IGF2BP1: variants seen among roughly 807,000 people sequenced by gnomAD.
The protein encoded by IGF2BP1 is insulin-like growth factor 2 mRNA-binding protein 1.
IGF2BP1 carries 11 observed loss-of-function variants against 74.9 expected under a neutral mutation model. The ratio of observed to expected loss-of-function variants is 0.15; its 90% CI spans 0.09 to 0.24. The LOEUF (loss-of-function observed/expected upper bound fraction) is 0.24. IGF2BP1 is among the 10% of genes least tolerant of loss of function. The probability of loss-of-function intolerance (pLI) is 1.00; values close to 1 mark genes in which losing one functional copy is unlikely to be tolerated. For synonymous variants in IGF2BP1, 287 were observed against 281.8 expected, an observed-to-expected ratio of 1.02 and a Z score of -0.18; for missense variants, 440 against 757.4, an observed-to-expected ratio of 0.58 and a Z score of 4.92.
At chr17:49,043,339 C>T (rs2042073399) in intron 9 of IGF2BP1, 89 bp from the exon 10 acceptor site, 2 of 1,500,692 alleles carry the variant, frequency 1.3e-6, no homozygotes, top group Non-Finnish European at 1.8e-6. Context: ...CCACTTGCCT[C>T]TGGGGCTACT....
At chr17:49,026,741 C>G (rs903637262) in intron 4 of IGF2BP1, among the ~76,000 whole-genome samples, 2 of 145,366 alleles carry the variant, frequency 1.4e-5, no homozygotes, top group African/African-American at 2.5e-5. Flanking sequence ...GCCTTCCTGC[C>G]TGCCTTCCTG....
intron 3 of IGF2BP1, 119 bp from the exon 4 acceptor site, chr17:49,026,347 C>A: frequency 1.2e-6 from 1 of 849,492 alleles, no homozygotes; most frequent in South Asian, 1.5e-5. Context: ...TAATAATGCT[C>A]AAACACTCCT....
Position 49,031,907 on chromosome 17 carries a change from C to T in IGF2BP1, c.338-3C>T. ...CTGAGGTTATCCTCTCTTTTCTCTGCAGTGAACACCGAGAGTGAGACGGCA... is the reference window on the plus strand; with the variant it reads ...CTGAGGTTATCCTCTCTTTTCTCTGTAGTGAACACCGAGAGTGAGACGGCA... On this transcript the variant is annotated splice_polypyrimidine_tract_variant and splice_region_variant and intron_variant, in intron 4 of 14. Coordinates refer to ENST00000290341, the MANE Select transcript of IGF2BP1 (RefSeq NM_006546.4). The T allele has an allele frequency of 3.1e-6, 5 of 1,613,474 alleles. No homozygotes were observed. Among genetic ancestry groups the T allele is most frequent in the Non-Finnish European group, 4.2e-6 (5 of 1,179,620 alleles).
chr17:49,032,384 C>T (rs962602778), intron 5 of IGF2BP1, among the ~76,000 whole-genome samples: 3 of 152,014 alleles, frequency 2.0e-5, no homozygotes, highest in Non-Finnish European at 2.9e-5. Context: ...AAAAAAGATT[C>T]CTCAACCTTG....
In IGF2BP1 at chr17:49,039,136, A is replaced by G. The variant is rs149862717; in HGVS notation, c.683+687A>G. Among the ~76,000 whole-genome samples, 844 of 152,056 alleles carry G rather than the reference A, an allele frequency of 5.6e-3. 5 individuals carry two copies. Among genetic ancestry groups the G allele is most frequent in the Non-Finnish European group, 9.4e-3 (638 of 67,970 alleles). ...CGTGATCCGGCCGCCTCAGCCTCCC[A>G]AAGTGCTGGGATTAAAGGCGTGAGC... is the stretch of plus-strand genomic sequence containing the variant. On this transcript the variant is annotated intron_variant, in intron 6 of 14. Transcript: ENST00000290341.
intron 2 of IGF2BP1, among the ~76,000 whole-genome samples, chr17:49,002,185 T>C (rs1384202609): frequency 1.3e-5 from 2 of 152,106 alleles, no homozygotes; most frequent in African/African-American, 2.4e-5. Flanking sequence ...TAAGTACCTA[T>C]TAAACAAAAT....
chr17:49,010,728 A>C (rs1394199216), intron 2 of IGF2BP1, among the ~76,000 whole-genome samples: 1 of 152,096 alleles, frequency 6.6e-6, no homozygotes, highest in Non-Finnish European at 1.5e-5. Context: ...AGGGCTCCCA[A>C]AAGACAGAGG....
intron 1 of IGF2BP1, 37 bp from the exon 2 acceptor site, chr17:48,999,072 C>A (rs750831294): frequency 4.6e-6 from 6 of 1,291,606 alleles, no homozygotes; most frequent in African/African-American, 3.0e-5. Context: ...AACCCCTGTT[C>A]AAGCTCTCAT....
chr17:49,040,218 C>T, intron 7 of IGF2BP1, 127 bp downstream of exon 7: 2 of 1,078,912 alleles, frequency 1.9e-6, no homozygotes, highest in South Asian at 1.5e-5. Context: ...AAGATGTAAA[C>T]TGAGAAATAA....
chr17:49,019,094 T>G (rs1286132324), intron 2 of IGF2BP1, among the ~76,000 whole-genome samples: 1 of 151,992 alleles, frequency 6.6e-6, no homozygotes, highest in Non-Finnish European at 1.5e-5. Flanking sequence ...TAGGGAGGGG[T>G]GAGGGAGGCC....
chr17:48,998,799 C>T (rs906517591), intron 1 of IGF2BP1, among the ~76,000 whole-genome samples: 5 of 152,242 alleles, frequency 3.3e-5, no homozygotes, highest in Admixed American at 6.5e-5. Flanking sequence ...CATCTGGGAG[C>T]TGTGTAGGCA....
chr17:48,996,706 C>G (rs1025908591), upstream of IGF2BP1, among the ~76,000 whole-genome samples: 1 of 152,192 alleles, frequency 6.6e-6, no homozygotes, highest in Non-Finnish European at 1.5e-5. Flanking sequence ...TGCGAACCAC[C>G]CTTTCTCCCG....
intron 5 of IGF2BP1, among the ~76,000 whole-genome samples, chr17:49,033,137 G>A (rs1424359867): frequency 1.3e-5 from 2 of 151,814 alleles, no homozygotes; most frequent in African/African-American, 4.8e-5. Context: ...ACATTTCTGG[G>A]CTTTTTATTT....
At chr17:49,026,105 C>G (rs2041850455) in intron 3 of IGF2BP1, among the ~76,000 whole-genome samples, 1 of 152,052 alleles carries the variant, frequency 6.6e-6, no homozygotes, top group South Asian at 2.1e-4. Context: ...GCCACCGTGC[C>G]TGGCCTCATG....
chr17:49,026,510 T>C lies in IGF2BP1; in HGVS notation c.330T>C (p.Cys110=), dbSNP rs759293636. ...LLAQYGTVEN[C]EQVNTESETA... ...CTCAGTATGGTACAGTAGAGAACTG[T>C]GAGCAAGGTAAGAGTGGGCCGGGTG... Residue 110 remains cysteine, a synonymous_variant, in exon 4 of 15, where the codon TGT becomes TGC. Transcript: ENST00000290341. The C allele has an allele frequency of 3.1e-6, 5 of 1,614,056 alleles. No individual in the cohort carries two copies. In the South Asian group the frequency reaches 4.4e-5, roughly 14 times the overall value.
At position 49,038,318 on chromosome 17, in the gene IGF2BP1, A is replaced by G; in HGVS notation, c.552A>G (p.Ala184=). Residue 184 remains alanine, a synonymous_variant, in exon 6 of 15, where the codon GCA becomes GCG. Coordinates refer to ENST00000290341, the MANE Select transcript of IGF2BP1 (RefSeq NM_006546.4). ...RGQPRQGSPV[A]AGAPAKQQQV... is the part of the protein sequence containing the mutation. Reference sequence around the variant, plus strand: ...AGCCCCGCCAGGGCTCACCTGTGGCAGCGGGGGCCCCAGCCAAGCAGCAGC... The same window carrying G: ...AGCCCCGCCAGGGCTCACCTGTGGCGGCGGGGGCCCCAGCCAAGCAGCAGC... The G allele has an allele frequency of 6.2e-7, 1 of 1,606,216 alleles. No individual in the cohort carries two copies. Among genetic ancestry groups the G allele is most frequent in the Non-Finnish European group, 8.5e-7 (1 of 1,176,624 alleles).
chr17:49,026,264 G>T, intron 3 of IGF2BP1: 1 of 503,694 alleles, frequency 2.0e-6, no homozygotes. Flanking sequence ...AGGCCCTTAA[G>T]GCAGAACTTA....
chr17:49,008,053 T>C (rs2041571271), intron 2 of IGF2BP1, among the ~76,000 whole-genome samples: 1 of 151,718 alleles, frequency 6.6e-6, no homozygotes, highest in South Asian at 2.1e-4. Context: ...GCACCTGTAA[T>C]CCCAGCTACT....
chr17:49,015,389 C>A (rs1485105244), intron 2 of IGF2BP1, among the ~76,000 whole-genome samples: 3 of 152,228 alleles, frequency 2.0e-5, no homozygotes, highest in Admixed American at 6.5e-5. Context: ...TCCTGCCCCC[C>A]ACCTTTCCCT....
Sources: allele counts gnomAD v4.1 joint callset (sites outside exome capture counted in the v4.1 genomes callset), GRCh38; gene constraint gnomAD v4.1.1; transcripts MANE v1.5; gene names NCBI Gene and HGNC (gene_info 2026-07-23, HGNC 2026-07-21).